Variants in ERC2 observed in about 807,000 individuals in gnomAD.
ERC2 encodes ERC protein 2.
ERC2 carries 42 observed loss-of-function variants against 114.8 expected under a neutral mutation model. The ratio of observed to expected loss-of-function variants is 0.37; its 90% CI spans 0.29 to 0.47. The LOEUF (loss-of-function observed/expected upper bound fraction) is 0.47, where lower values mean the gene tolerates loss of function less well. Among genes scored for constraint, ERC2 ranks in the 20% least tolerant of loss-of-function variants. ERC2 has a pLI of 0.99. For synonymous variants in ERC2, 454 were observed against 425.5 expected, an observed-to-expected ratio of 1.07 and a Z score of -0.82; for missense variants, 939 against 1,150.7, an observed-to-expected ratio of 0.82 and a Z score of 2.66.
intron 5 of ERC2, among the ~76,000 whole-genome samples, chr3:56,141,320 T>C (rs903881245): frequency 6.6e-6 from 1 of 152,302 alleles, no homozygotes; most frequent in South Asian, 2.1e-4. Context: ...TGCCAACAAA[T>C]GCAGCAAAAT....
chr3:55,961,853 C>CAAAA (rs56292252), intron 12 of ERC2, among the ~76,000 whole-genome samples: 97 of 136,372 alleles, frequency 7.1e-4, no homozygotes, highest in East Asian at 3.9e-3. Context: ...GATACCCAGT[C>CAAAA]AAAAAAAAAA....
intron 14 of ERC2, among the ~76,000 whole-genome samples, chr3:55,813,376 G>C (rs1381062566): frequency 6.6e-6 from 1 of 152,162 alleles, no homozygotes; most frequent in Non-Finnish European, 1.5e-5. Context: ...TACCCTCCTG[G>C]TGAGTGCAGA....
At chr3:55,907,821 T>C (rs761853742) in intron 13 of ERC2, among the ~76,000 whole-genome samples, 15 of 152,176 alleles carry the variant, frequency 9.9e-5, no homozygotes, top group Non-Finnish European at 1.6e-4. Context: ...AAAATATCCA[T>C]GAAACACTCA....
chr3:56,033,069 A>C (rs1261371777), intron 7 of ERC2, among the ~76,000 whole-genome samples: 1 of 138,714 alleles, frequency 7.2e-6, no homozygotes, highest in African/African-American at 2.6e-5. Flanking sequence ...AGAAAGAAAG[A>C]AAGAAAGAAA....
chr3:56,342,800 G>T (rs1430234779), intron 2 of ERC2, among the ~76,000 whole-genome samples: 3 of 152,206 alleles, frequency 2.0e-5, no homozygotes, highest in African/African-American at 4.8e-5. Flanking sequence ...AAACCGAATA[G>T]AGTGGAGTAG....
In ERC2 at chr3:55,510,087, A is replaced by G. The variant is rs1370223570; in HGVS notation, c.*1229T>C. On this transcript the variant is annotated 3_prime_UTR_variant, in exon 18 of 18. Coordinates refer to ENST00000288221, the MANE Select transcript of ERC2 (RefSeq NM_015576.3). Reference sequence around the variant, plus strand: ...CTTAGTACCATATCACTGTATGTAAAAGACCTCAAAATTTGGTCTTTTTCC... The same window carrying G: ...CTTAGTACCATATCACTGTATGTAAGAGACCTCAAAATTTGGTCTTTTTCC... 6.6e-6 allele frequency: 1 copy of G among 152,584 alleles called. No homozygotes were observed. 9.5% of individuals were successfully genotyped at this position (152,584 alleles called of 1,614,324 possible). A position where few individuals can be genotyped will look rare whatever the true frequency, so the allele number is the denominator to read the frequency against.
At chr3:55,682,399 A>G (rs906755362) in intron 17 of ERC2, among the ~76,000 whole-genome samples, 2 of 152,176 alleles carry the variant, frequency 1.3e-5, no homozygotes, top group African/African-American at 4.8e-5. Flanking sequence ...CTGGCAGCAA[A>G]TGGATCCAGG....
In ERC2 at chr3:55,811,803, T is replaced by A. The variant is rs113485992; in HGVS notation, c.2564+76586A>T. Among the ~76,000 whole-genome samples, 765 of 152,352 alleles carry A rather than the reference T, an allele frequency of 5.0e-3. 6 individuals are homozygous for A. The highest frequency in any genetic ancestry group is 0.017 in the African/African-American group (725 of 41,580). Reference sequence around the variant, plus strand: ...TAGCATTCTATTCTCACCCTAGGCATAATACATTTCTTCCTTCCTCACAAT... The same window carrying A: ...TAGCATTCTATTCTCACCCTAGGCAAAATACATTTCTTCCTTCCTCACAAT... On this transcript the variant is annotated intron_variant, in intron 14 of 17. Transcript: ENST00000288221.
At chr3:56,280,521 C>A (rs1426562861) in intron 3 of ERC2, among the ~76,000 whole-genome samples, 1 of 152,128 alleles carries the variant, frequency 6.6e-6, no homozygotes, top group Non-Finnish European at 1.5e-5. Flanking sequence ...GGGAAGAAGA[C>A]AAGTTCCATT....
chr3:56,102,034 G>T (rs938734813), intron 6 of ERC2, among the ~76,000 whole-genome samples: 1 of 152,198 alleles, frequency 6.6e-6, no homozygotes, highest in African/African-American at 2.4e-5. Flanking sequence ...AATAACAATT[G>T]TTACCAGATC....
intron 12 of ERC2, among the ~76,000 whole-genome samples, chr3:55,952,968 C>T (rs1441600181): frequency 2.6e-5 from 4 of 151,984 alleles, no homozygotes; most frequent in Non-Finnish European, 5.9e-5. Flanking sequence ...CCGAGGTGGG[C>T]AGATCATGAG....
chr3:56,240,537 T>C (rs1232319919), intron 3 of ERC2, among the ~76,000 whole-genome samples: 1 of 152,228 alleles, frequency 6.6e-6, no homozygotes, highest in Non-Finnish European at 1.5e-5. Context: ...AAGGCAGTGC[T>C]AAATCATCTA....
chr3:55,826,554 T>A (rs1017133432), intron 14 of ERC2, among the ~76,000 whole-genome samples: 1 of 152,220 alleles, frequency 6.6e-6, no homozygotes, highest in Non-Finnish European at 1.5e-5. Flanking sequence ...GTAATGCACA[T>A]AATGCAAAGC....
chr3:56,134,778 G>C (rs1025025414), intron 6 of ERC2, among the ~76,000 whole-genome samples: 3 of 152,110 alleles, frequency 2.0e-5, no homozygotes, highest in Non-Finnish European at 4.4e-5. Flanking sequence ...ATTTGGGACA[G>C]AAATTAGCAT....
rs5849149 is a variant in ERC2 at position 56,360,061 on chromosome 3, C to CTTTT, written c.658-63630_658-63627dup. Among the ~76,000 whole-genome samples the CTTTT allele has an allele frequency of 2.3e-3, 231 of 99,168 alleles. 1 individual carries two copies. The highest frequency in any genetic ancestry group is 2.9e-3 in the East Asian group (9 of 3,058). 65.1% of individuals were successfully genotyped at this position (99,168 alleles called of 152,430 possible). A position where few individuals can be genotyped will look rare whatever the true frequency, so the allele number is the denominator to read the frequency against. On this transcript the variant is annotated intron_variant, in intron 2 of 17. Coordinates refer to ENST00000288221, the MANE Select transcript of ERC2 (RefSeq NM_015576.3). ...TCCTACCCTCAATAGTAACAAAAATCTTTTTTTTTTTTTTTTTTTTTGAGA... is the reference window on the plus strand; with the variant it reads ...TCCTACCCTCAATAGTAACAAAAATCTTTTTTTTTTTTTTTTTTTTTTTTTGAGA...
chr3:56,367,153 A>C lies in ERC2; in HGVS notation c.657+67198T>G, dbSNP rs535223486. 8.9e-4 allele frequency among the ~76,000 whole-genome samples: 136 copies of C among 152,180 alleles called. 2 individuals carry two copies. The South Asian group carries it at 0.028, about 31-fold the overall frequency. On this transcript the variant is annotated intron_variant, in intron 2 of 17. Coordinates refer to ENST00000288221, the MANE Select transcript of ERC2 (RefSeq NM_015576.3). Reference sequence around the variant, plus strand: ...TGTGCCTATCATACCTCATTTCATCAATGTCATCTTCAGTGGATACTCTAA... The same window carrying C: ...TGTGCCTATCATACCTCATTTCATCCATGTCATCTTCAGTGGATACTCTAA...
intron 14 of ERC2, among the ~76,000 whole-genome samples, chr3:55,854,391 G>GT: frequency 6.7e-6 from 1 of 150,358 alleles, no homozygotes; most frequent in African/African-American, 2.5e-5. Flanking sequence ...TTTGGTTTTG[G>GT]TTTGGTTTGG....
chr3:56,218,854 C>G (rs1361765986), intron 3 of ERC2, among the ~76,000 whole-genome samples: 2 of 152,048 alleles, frequency 1.3e-5, no homozygotes, highest in East Asian at 1.9e-4. Context: ...ATGGATGAAG[C>G]TGGAAACCAT....
At position 55,733,542 on chromosome 3, in the gene ERC2, TCACACACACA is replaced by T. The variant is rs58311179; in HGVS notation, c.2712+1219_2712+1228del. On this transcript the variant is annotated intron_variant, in intron 15 of 17. Transcript: ENST00000288221. ...CTGTCTCTCATTCTTTCTCTCTCTCTCACACACACACACACACACACACACACACACACAC... is the reference window on the plus strand; with the variant it reads ...CTGTCTCTCATTCTTTCTCTCTCTCTCACACACACACACACACACACACAC... 6.9e-4 allele frequency among the ~76,000 whole-genome samples: 74 copies of T among 107,862 alleles called. 3 individuals are homozygous for T. The highest frequency in any genetic ancestry group is 2.0e-3 in the African/African-American group (55 of 27,392). 70.8% of individuals were successfully genotyped at this position (107,862 alleles called of 152,430 possible).
Sources: gnomAD v4.1 joint callset for allele counts (sites outside exome capture counted in the v4.1 genomes callset) on GRCh38, gnomAD v4.1.1 for gene constraint, MANE v1.5 for transcripts, NCBI Gene and HGNC (gene_info 2026-07-23, HGNC 2026-07-21) for gene names.